Variants in EIF3M observed in about 807,000 individuals in gnomAD.
EIF3M encodes B5 receptor.
EIF3M carries 25 observed loss-of-function variants against 49.7 expected under a neutral mutation model. That is an observed-to-expected ratio of 0.50 (90% CI 0.37 to 0.70). EIF3M has a LOEUF of 0.70. Ranked by LOEUF, EIF3M falls within the 30% of genes least tolerant of loss-of-function variation. EIF3M has a pLI of 0.00. For missense variants in EIF3M, 350 were observed against 440.0 expected, an observed-to-expected ratio of 0.80 and a Z score of 1.83; for synonymous variants, 156 against 149.8, an observed-to-expected ratio of 1.04 and a Z score of -0.30.
intron 7 of EIF3M, 66 bp downstream of exon 7, chr11:32,595,079 ACT>A (rs1855159759): frequency 7.1e-7 from 1 of 1,408,416 alleles, no homozygotes. Flanking sequence ...CTGAAGCAGG[ACT>A]CTTTTTCTTT....
intron 8 of EIF3M, among the ~76,000 whole-genome samples, chr11:32,596,777 T>C (rs1855186972): frequency 6.6e-6 from 1 of 151,974 alleles, no homozygotes; most frequent in Admixed American, 6.6e-5. Context: ...TGGTGGCACA[T>C]ACCTGTAGTG....
chr11:32,583,959 G>A (rs200279770), intron 1 of EIF3M, 30 bp downstream of exon 1: 19 of 1,611,762 alleles, frequency 1.2e-5, no homozygotes, highest in Non-Finnish European at 1.5e-5. Flanking sequence ...TGCCGCCACG[G>A]TGGGGTGGGG....
rs554656525 is a variant in EIF3M at position 32,605,720 on chromosome 11, G to A, written c.*3321G>A. ...TGGCTTTAGAGAAACAAGATACAGT[G>A]TAGATTAGCTAATGTTTGCGCTTAA... On this transcript the variant is annotated 3_prime_UTR_variant, in exon 11 of 11. Coordinates refer to ENST00000531120, the MANE Select transcript of EIF3M (RefSeq NM_006360.6). The A allele has an allele frequency of 6.3e-4, 96 of 152,314 alleles. No homozygotes were observed. The highest frequency in any genetic ancestry group is 2.2e-3 in the African/African-American group (90 of 41,560). 9.4% of individuals were successfully genotyped at this position (152,314 alleles called of 1,614,324 possible).
In EIF3M at chr11:32,603,387, TTTTTCA is replaced by T. The variant is rs1360496714; in HGVS notation, c.*993_*998del. ...TTTTAAAAATAGTGTGTTAAATAAC[TTTTTCA>T]TTTTAAGGTTCTTTTCTGATGTTAA... On this transcript the variant is annotated 3_prime_UTR_variant, in exon 11 of 11. Transcript: ENST00000531120. 1 of 164,032 alleles carries T rather than the reference TTTTTCA, an allele frequency of 6.1e-6. No homozygotes were observed. The highest frequency in any genetic ancestry group is 1.3e-5 in the Non-Finnish European group (1 of 76,302). 10.2% of individuals were successfully genotyped at this position (164,032 alleles called of 1,614,324 possible).
intron 1 of EIF3M, among the ~76,000 whole-genome samples, chr11:32,584,719 G>A (rs1854968070): frequency 6.6e-6 from 1 of 151,888 alleles, no homozygotes; most frequent in Non-Finnish European, 1.5e-5. Flanking sequence ...GAGGGTGAGA[G>A]TTGTTCTGTA....
Position 32,602,836 on chromosome 11 carries a change from A to G in EIF3M, c.*437A>G, listed in dbSNP as rs1342783510. ...TTATTTTAATCTGTTGTTTTTTTCCAACGTCTCTTCTGCTTTTCTTTTCTT... is the reference window on the plus strand; with the variant it reads ...TTATTTTAATCTGTTGTTTTTTTCCGACGTCTCTTCTGCTTTTCTTTTCTT... On this transcript the variant is annotated 3_prime_UTR_variant, in exon 11 of 11. Coordinates refer to ENST00000531120, the MANE Select transcript of EIF3M (RefSeq NM_006360.6). The G allele has an allele frequency of 1.2e-6, 2 of 1,600,098 alleles. No individual in the cohort carries two copies. Among genetic ancestry groups the G allele is most frequent in the Non-Finnish European group, 1.7e-6 (2 of 1,174,688 alleles).
intron 2 of EIF3M, among the ~76,000 whole-genome samples, chr11:32,588,336 C>T (rs1855033350): frequency 6.7e-6 from 1 of 148,356 alleles, no homozygotes; most frequent in African/African-American, 2.5e-5. Flanking sequence ...TTGCAGTGAG[C>T]CGAGATCGCA....
chr11:32,586,173 G>T (rs1854994500), intron 1 of EIF3M, among the ~76,000 whole-genome samples: 1 of 152,170 alleles, frequency 6.6e-6, no homozygotes, highest in African/African-American at 2.4e-5. Flanking sequence ...AGGTTGCAGT[G>T]AGCCGGGATC....
chr11:32,603,077 G>A lies in EIF3M; in HGVS notation c.*678G>A. ...ATTATTATACAAAAGATTTTAAAGA[G>A]TCTGTAAAGCCTCTGCAGTTATGAG... On this transcript the variant is annotated 3_prime_UTR_variant, in exon 11 of 11. Transcript: ENST00000531120. 7.2e-7 allele frequency: 1 copy of A among 1,393,006 alleles called. No individual in the cohort carries two copies. Among genetic ancestry groups the A allele is most frequent in the Non-Finnish European group, 9.9e-7 (1 of 1,010,280 alleles). The allele number at this position is 1,393,006 out of a possible 1,614,324, so 86.3% of individuals were successfully genotyped here.
At chr11:32,601,893 T>G (rs1018243043) in intron 10 of EIF3M, 71 bp downstream of exon 10, 1 of 1,513,872 alleles carries the variant, frequency 6.6e-7, no homozygotes, top group Non-Finnish European at 9.1e-7. Context: ...ACTTAAATGT[T>G]TAGAGAACCA....
intron 8 of EIF3M, 62 bp from the exon 9 acceptor site, chr11:32,600,627 G>A: frequency 7.0e-7 from 1 of 1,433,490 alleles, no homozygotes; most frequent in Non-Finnish European, 9.2e-7. Flanking sequence ...AACATGAGAT[G>A]TAATTGTGCA....
Position 32,602,345 on chromosome 11 carries a change from G to A in EIF3M, c.1071G>A (p.Trp357Ter). 1 of 1,612,278 alleles carries A rather than the reference G, an allele frequency of 6.2e-7. No homozygotes were observed. Among genetic ancestry groups the A allele is most frequent in the Non-Finnish European group, 8.5e-7 (1 of 1,178,936 alleles). The change falls in exon 11 of 11, where the codon TGG becomes TGA. Residue 357 changes from tryptophan (W) to a stop codon, truncating the protein, a stop_gained. Transcript: ENST00000531120. LOFTEE classifies it high-confidence loss of function. ...AACTGTATGACACACTTAATGCCTG[G>A]AAACAAAATCTGAACAAAGTGAAAA... ...WQQLYDTLNA[W>*]KQNLNKVKNS...
In EIF3M at chr11:32,603,959, C is replaced by A. The variant is rs759456655; in HGVS notation, c.*1560C>A. The A allele has an allele frequency of 1.3e-5, 2 of 152,182 alleles. No individual in the cohort carries two copies. Among genetic ancestry groups the A allele is most frequent in the Non-Finnish European group, 2.9e-5 (2 of 68,136 alleles). 9.4% of individuals were successfully genotyped at this position (152,182 alleles called of 1,614,324 possible). ...GCATGCAACTGTAGTCCCAGCTCCTCGGAGGGCTGAGGTGCAAGGATCATT... is the reference window on the plus strand; with the variant it reads ...GCATGCAACTGTAGTCCCAGCTCCTAGGAGGGCTGAGGTGCAAGGATCATT... On this transcript the variant is annotated 3_prime_UTR_variant, in exon 11 of 11. Coordinates refer to ENST00000531120, the MANE Select transcript of EIF3M (RefSeq NM_006360.6).
chr11:32,594,893 C>G, intron 6 of EIF3M, 21 bp from the exon 7 acceptor site: 1 of 1,589,652 alleles, frequency 6.3e-7, no homozygotes, highest in Non-Finnish European at 8.5e-7. Flanking sequence ...CCTGAGCTTA[C>G]ATTTTTGTTC....
chr11:32,587,081 C>G lies in EIF3M; in HGVS notation c.112C>G (p.Leu38Val). ...EISEENSEGGLHVDLAQIIEA... is the reference protein window; with the variant it reads ...EISEENSEGGVHVDLAQIIEA... ...TTCAGAAGAGAACTCGGAAGGTGGA[C>G]TTCATGTTGATTTAGCTCAAATTAT... Residue 38 changes from leucine (L) to valine (V), a missense_variant, in exon 2 of 11, where the codon CTT (leucine) becomes GTT (valine). Leu to Val is a conservative substitution (Grantham distance 32). Coordinates refer to ENST00000531120, the MANE Select transcript of EIF3M (RefSeq NM_006360.6). 3 of 1,612,772 alleles carry G rather than the reference C, an allele frequency of 1.9e-6. No individual in the cohort carries two copies. Among genetic ancestry groups the G allele is most frequent in the Non-Finnish European group, 2.5e-6 (3 of 1,179,004 alleles).
At position 32,602,456 on chromosome 11, in the gene EIF3M, C is replaced by T. The variant is rs1458486840; in HGVS notation, c.*57C>T. 1 of 1,560,498 alleles carries T rather than the reference C, an allele frequency of 6.4e-7. No homozygotes were observed. The highest frequency in any genetic ancestry group is 8.7e-7 in the Non-Finnish European group (1 of 1,155,386). ...AAAAAAGCCCTAAATCATAGTAAAA[C>T]ATTATAAACTAAAAAAATTTGCCTA... On this transcript the variant is annotated 3_prime_UTR_variant, in exon 11 of 11. Coordinates refer to ENST00000531120, the MANE Select transcript of EIF3M (RefSeq NM_006360.6).
intron 10 of EIF3M, 109 bp from the exon 11 acceptor site, chr11:32,602,170 T>C: frequency 7.1e-7 from 1 of 1,408,692 alleles, no homozygotes; most frequent in Non-Finnish European, 9.7e-7. Flanking sequence ...CTATTCTAAA[T>C]TAGGTATATT....
At chr11:32,593,166 A>T (rs1855128464) in intron 5 of EIF3M, among the ~76,000 whole-genome samples, 1 of 152,060 alleles carries the variant, frequency 6.6e-6, no homozygotes. Flanking sequence ...GAAAAGAAAA[A>T]CCTCTTCCTC....
At chr11:32,584,945 T>A (rs1590508981) in intron 1 of EIF3M, among the ~76,000 whole-genome samples, 1 of 152,378 alleles carries the variant, frequency 6.6e-6, no homozygotes, top group East Asian at 1.9e-4. Context: ...TGAAAATTCT[T>A]CTGTGAAGTC....
Sources: allele counts gnomAD v4.1 joint callset (sites outside exome capture counted in the v4.1 genomes callset), GRCh38; gene constraint gnomAD v4.1.1; transcripts MANE v1.5; gene names NCBI Gene and HGNC (gene_info 2026-07-23, HGNC 2026-07-21).